The following LRP2 variants were observed in gnomAD, a reference collection of about 807,000 sequenced individuals.
LRP2 encodes LDL receptor related protein 2, also known as low-density lipoprotein receptor-related protein 2.
Under a neutral mutation model 531.0 loss-of-function variants are expected in LRP2, and 172 were observed. The observed-to-expected ratio is 0.32, with a 90% confidence interval of 0.29 to 0.37. The LOEUF is 0.37. Among genes scored for constraint, LRP2 ranks in the 10% least tolerant of loss-of-function variants. LRP2 has a pLI of 1.00. For missense variants in LRP2, 5,167 were observed against 5,868.3 expected (o/e 0.88, Z 3.90); for synonymous variants, 1,992 against 2,027.6 (o/e 0.98, Z 0.47).
chr2:169,288,978 C>T, intron 9 of LRP2, 48 bp downstream of exon 9: 1 of 1,611,682 alleles, frequency 6.2e-7, no homozygotes, highest in Non-Finnish European at 8.5e-7. Flanking sequence ...GGGCACCCAT[C>T]AGTGTACTGT....
intron 28 of LRP2, among the ~76,000 whole-genome samples, chr2:169,236,800 C>T (rs1230005051): frequency 2.0e-5 from 3 of 152,136 alleles, no homozygotes; most frequent in African/African-American, 7.2e-5. Flanking sequence ...ACTATTACTG[C>T]ATGCAGTAAT....
intron 1 of LRP2, among the ~76,000 whole-genome samples, chr2:169,352,391 G>A (rs539453013): frequency 1.3e-5 from 2 of 152,256 alleles, no homozygotes; most frequent in East Asian, 3.9e-4. Flanking sequence ...GTTGTAGCTA[G>A]CTTGTAACAT....
chr2:169,170,389 T>C (rs1418633469), intron 59 of LRP2, among the ~76,000 whole-genome samples, 162 bp downstream of exon 59: 3 of 152,218 alleles, frequency 2.0e-5, no homozygotes, highest in African/African-American at 7.2e-5. Flanking sequence ...TTAAGAATAA[T>C]GCATAGAAAA....
At chr2:169,332,995 A>G (rs1050035030) in intron 1 of LRP2, among the ~76,000 whole-genome samples, 1 of 152,220 alleles carries the variant, frequency 6.6e-6, no homozygotes, top group East Asian at 1.9e-4. Context: ...CTGCCAACAG[A>G]GTAAGAATTT....
At chr2:169,322,309 T>C (rs2105518490) in intron 1 of LRP2, among the ~76,000 whole-genome samples, 2 of 152,338 alleles carry the variant, frequency 1.3e-5, no homozygotes, top group East Asian at 3.9e-4. Context: ...GTTCATGGAA[T>C]GTTCAAATCT....
chr2:169,137,241 C>G, intron 76 of LRP2, 151 bp downstream of exon 76: 1 of 713,410 alleles, frequency 1.4e-6, no homozygotes, highest in East Asian at 2.6e-5. Context: ...TGGGTTGGTC[C>G]TGTTCCTGCA....
chr2:169,152,347 T>A (rs575342918), intron 67 of LRP2, among the ~76,000 whole-genome samples: 18 of 152,224 alleles, frequency 1.2e-4, no homozygotes, highest in African/African-American at 3.6e-4. Context: ...GTCCCCAAGA[T>A]AACTACCATA....
At chr2:169,296,655 C>T (rs991233416) in intron 4 of LRP2, among the ~76,000 whole-genome samples, 3 of 151,978 alleles carry the variant, frequency 2.0e-5, no homozygotes, top group South Asian at 4.1e-4. Context: ...TGGGCTTGAA[C>T]GGTGGCTACT....
intron 34 of LRP2, among the ~76,000 whole-genome samples, chr2:169,218,983 T>TTTA (rs1266497844): frequency 6.6e-6 from 1 of 152,028 alleles, no homozygotes; most frequent in Non-Finnish European, 1.5e-5. Flanking sequence ...TATTTAGGAG[T>TTTA]TTATTTGCTT....
intron 59 of LRP2, 56 bp downstream of exon 59, chr2:169,170,495 G>GC: frequency 7.5e-7 from 1 of 1,331,976 alleles, no homozygotes; most frequent in East Asian, 2.3e-5. Context: ...CTAATTTGAA[G>GC]CCCCTACACT....
intron 1 of LRP2, among the ~76,000 whole-genome samples, chr2:169,328,441 T>TAAAAAAAAAAAAAAAAA (rs537210492): frequency 2.0e-5 from 1 of 49,142 alleles, no homozygotes. Context: ...CGGGCCGGGA[T>TAAAAAAAAAAAAAAAAA]AAAAAAAAAA....
Position 169,185,950 on chromosome 2 carries a change from A to C in LRP2, c.9398T>G (p.Phe3133Cys). Residue 3133 changes from phenylalanine to cysteine, a missense_variant, in exon 50 of 79, where the codon TTC (phenylalanine) becomes TGC (cysteine). Phe to Cys is a radical substitution (Grantham distance 205). Coordinates refer to ENST00000649046, the MANE Select transcript of LRP2 (RefSeq NM_004525.3). ...GTAACCAGGACGACAGGAACAATAG[A>C]AACTGGTTAAGGTGTCTGTGCAGTT... ...DHNCTDTLTSFYCSCRPGYKL... is the reference protein window; with the variant it reads ...DHNCTDTLTSCYCSCRPGYKL... 1 of 1,613,986 alleles carries C rather than the reference A, an allele frequency of 6.2e-7. No individual in the cohort carries two copies. Among genetic ancestry groups the C allele is most frequent in the South Asian group, 1.1e-5 (1 of 91,058 alleles).
intron 4 of LRP2, among the ~76,000 whole-genome samples, chr2:169,295,009 C>T (rs922443909): frequency 3.9e-5 from 6 of 151,994 alleles, no homozygotes; most frequent in Non-Finnish European, 8.8e-5. Flanking sequence ...AAAAGTATCC[C>T]CTGAAGAAGT....
chr2:169,225,795 A>G (rs1313574421), intron 32 of LRP2, among the ~76,000 whole-genome samples: 1 of 152,060 alleles, frequency 6.6e-6, no homozygotes, highest in Non-Finnish European at 1.5e-5. Context: ...CATGAAACAC[A>G]AAGATTTTTC....
At chr2:169,306,129 A>G (rs1196090554) in intron 4 of LRP2, among the ~76,000 whole-genome samples, 2 of 152,054 alleles carry the variant, frequency 1.3e-5, no homozygotes, top group Non-Finnish European at 2.9e-5. Context: ...GGACTGCACG[A>G]AAAGGCCTGT....
intron 13 of LRP2, 34 bp from the exon 14 acceptor site, chr2:169,275,272 T>C (rs936671074): frequency 1.9e-6 from 3 of 1,550,998 alleles, no homozygotes; most frequent in Admixed American, 1.7e-5. Context: ...TCATACAATT[T>C]GTTAGTTTTG....
At chr2:169,262,179 T>G (rs371655324) in intron 16 of LRP2, among the ~76,000 whole-genome samples, 1 of 148,288 alleles carries the variant, frequency 6.7e-6, no homozygotes, top group Non-Finnish European at 1.5e-5. Context: ...CTTTGAAAAC[T>G]GGCACAAGAC....
chr2:169,153,983 A>G (rs1026632443), intron 66 of LRP2, among the ~76,000 whole-genome samples: 10 of 152,226 alleles, frequency 6.6e-5, no homozygotes, highest in African/African-American at 2.4e-4. Flanking sequence ...GAGGATAGAA[A>G]GATATTATGT....
In LRP2 at chr2:169,278,906, T is replaced by A. The variant is rs114878574; in HGVS notation, c.1565+466A>T. Among the ~76,000 whole-genome samples, 1,002 of 152,320 alleles carry A rather than the reference T, an allele frequency of 6.6e-3. 16 individuals are homozygous for A. Among genetic ancestry groups the A allele is most frequent in the African/African-American group, 0.023 (951 of 41,570 alleles). Reference sequence around the variant, plus strand: ...TTGTAATGAGATATTAGCATTGATATCTCAATCCCAGCCTGTATCAAGAAA... The same window carrying A: ...TTGTAATGAGATATTAGCATTGATAACTCAATCCCAGCCTGTATCAAGAAA... On this transcript the variant is annotated intron_variant, in intron 12 of 78. Coordinates refer to ENST00000649046, the MANE Select transcript of LRP2 (RefSeq NM_004525.3).
Sources: allele counts gnomAD v4.1 joint callset (sites outside exome capture counted in the v4.1 genomes callset), GRCh38; gene constraint gnomAD v4.1.1; transcripts MANE v1.5; gene names NCBI Gene and HGNC (gene_info 2026-07-23, HGNC 2026-07-21).